MYH9: variants seen among roughly 807,000 people sequenced by gnomAD.
MYH9 encodes the protein myosin-9.
A neutral mutation model predicts 241.9 loss-of-function variants in MYH9; 29 were observed. The ratio of observed to expected loss-of-function variants is 0.12; its 90% confidence interval spans 0.09 to 0.16. The LOEUF (loss-of-function observed/expected upper bound fraction) is 0.16. MYH9 is among the 10% of genes least tolerant of loss of function. The pLI is 1.00. For synonymous variants in MYH9, 1,047 were observed against 1,062.6 expected, an observed-to-expected ratio of 0.99 and a Z score of 0.29; for missense variants, 1,803 against 2,595.5, an observed-to-expected ratio of 0.69 and a Z score of 6.63.
intron 1 of MYH9, among the ~76,000 whole-genome samples, chr22:36,386,420 A>G (rs1335494455): frequency 6.6e-6 from 1 of 152,132 alleles, no homozygotes; most frequent in African/African-American, 2.4e-5. Context: ...CCTCCTTACC[A>G]AAAAGGGACT....
intron 1 of MYH9, among the ~76,000 whole-genome samples, chr22:36,372,501 A>AC (rs1159074384): frequency 6.6e-6 from 1 of 151,904 alleles, no homozygotes; most frequent in Non-Finnish European, 1.5e-5. Context: ...TCTCAAAAAA[A>AC]AAAAAAAAAT....
rs552924881 is a variant in MYH9 at position 36,282,816 on chromosome 22, C to T, written c.5766-31G>A. 182 of 1,582,202 alleles carry T rather than the reference C, an allele frequency of 1.2e-4. No individual in the cohort carries two copies. In the East Asian group the frequency reaches 3.9e-3, roughly 34 times the overall value. ...GGCAGAGGTAGAAGCAGAGGGTCAGCGGGCCCGGCCAGGCCAGGGGCGGCC... is the reference window on the plus strand; with the variant it reads ...GGCAGAGGTAGAAGCAGAGGGTCAGTGGGCCCGGCCAGGCCAGGGGCGGCC... On this transcript the variant is annotated intron_variant, in intron 40 of 40. Transcript: ENST00000216181.
chr22:36,371,450 C>T (rs2018088608), intron 1 of MYH9, among the ~76,000 whole-genome samples: 1 of 152,210 alleles, frequency 6.6e-6, no homozygotes, highest in Non-Finnish European at 1.5e-5. Context: ...CTTGCATTTC[C>T]AGCCTCCAGA....
chr22:36,381,811 A>C (rs1054800783), intron 1 of MYH9, among the ~76,000 whole-genome samples: 1 of 152,184 alleles, frequency 6.6e-6, no homozygotes, highest in African/African-American at 2.4e-5. Context: ...ACCATGATTT[A>C]GTTGACCTTT....
chr22:36,296,021 C>CTCAGG (rs2016782087), intron 25 of MYH9, among the ~76,000 whole-genome samples: 1 of 152,208 alleles, frequency 6.6e-6, no homozygotes, highest in Non-Finnish European at 1.5e-5. Context: ...TAAAACGCTA[C>CTCAGG]ACCACAGGAC....
Position 36,305,827 on chromosome 22 carries a change from G to A in MYH9, c.2159+103C>T. On this transcript the variant is annotated intron_variant, in intron 17 of 40. Transcript: ENST00000216181. The surrounding 1 kb of genome is among the most constrained non-coding windows in gnomAD (Gnocchi z 4.7). ...CAGTTCTACATGGATGGAGGACGTC[G>A]CTCCCTCACGACAGGATCCTGCCAG... 3 of 1,522,552 alleles carry A rather than the reference G, an allele frequency of 2.0e-6. No individual in the cohort carries two copies. Among genetic ancestry groups the A allele is most frequent in the Non-Finnish European group, 2.7e-6 (3 of 1,105,684 alleles). 94.3% of individuals were successfully genotyped at this position (1,522,552 alleles called of 1,614,324 possible).
chr22:36,355,156 C>T (rs1467302772), intron 1 of MYH9, among the ~76,000 whole-genome samples: 3 of 152,120 alleles, frequency 2.0e-5, no homozygotes, highest in African/African-American at 7.2e-5. Flanking sequence ...CGCCGGCTTC[C>T]TGCGGGTGCC....
At position 36,374,011 on chromosome 22, in the gene MYH9, G is replaced by A. The variant is rs965906114; in HGVS notation, c.-20+13796C>T. Among the ~76,000 whole-genome samples, 4 of 151,460 alleles carry A rather than the reference G, an allele frequency of 2.6e-5. No individual in the cohort carries two copies. In the East Asian group the frequency reaches 7.7e-4, roughly 29 times the overall value. On this transcript the variant is annotated intron_variant, in intron 1 of 40. Coordinates refer to ENST00000216181, the MANE Select transcript of MYH9 (RefSeq NM_002473.6). ...GAGGTGCAGGGCAAATCTGCTTCTT[G>A]CCAGCTTTGTTGCAATAATGCTTGT...
intron 31 of MYH9, among the ~76,000 whole-genome samples, chr22:36,290,032 CT>C (rs1449227587): frequency 1.3e-5 from 2 of 152,166 alleles, no homozygotes; most frequent in African/African-American, 4.8e-5. Flanking sequence ...TGCCCGATGT[CT>C]TCTACTGTTC....
intron 31 of MYH9, among the ~76,000 whole-genome samples, chr22:36,291,193 T>A (rs552221332): frequency 1.3e-5 from 2 of 152,012 alleles, no homozygotes; most frequent in African/African-American, 4.8e-5. Context: ...CAACAGCTCA[T>A]TGATAGCGGG....
intron 21 of MYH9, 74 bp from the exon 22 acceptor site, chr22:36,301,131 A>G (rs547042302): frequency 7.1e-7 from 1 of 1,412,716 alleles, no homozygotes; most frequent in East Asian, 2.3e-5. Flanking sequence ...GACGGACGCC[A>G]TGGCTCGGGA....
At position 36,320,786 on chromosome 22, in the gene MYH9, C is replaced by T. The variant is rs1488716201; in HGVS notation, c.868+12G>A. The T allele has an allele frequency of 6.2e-7, 1 of 1,607,312 alleles. No individual in the cohort carries two copies. The highest frequency in any genetic ancestry group is 8.5e-7 in the Non-Finnish European group (1 of 1,174,166). On this transcript the variant is annotated intron_variant, in intron 8 of 40. Coordinates refer to ENST00000216181, the MANE Select transcript of MYH9 (RefSeq NM_002473.6). This position sits in a 1 kb window ranked among gnomAD's most constrained non-coding sequence, Gnocchi z 4.8. ...GGCAGCCCCGGTGTCAGGCTGCAGGCCAACTACTCACTCTTCAGGTGCTCT... is the reference window on the plus strand; with the variant it reads ...GGCAGCCCCGGTGTCAGGCTGCAGGTCAACTACTCACTCTTCAGGTGCTCT...
chr22:36,330,301 C>T lies in MYH9; in HGVS notation c.491-2813G>A, dbSNP rs1046265846. ...AAACTGCTGGGAGGCCTCCTCATTGCATCTCTTACCGCACTGCTTAGTATC... is the reference window on the plus strand; with the variant it reads ...AAACTGCTGGGAGGCCTCCTCATTGTATCTCTTACCGCACTGCTTAGTATC... On this transcript the variant is annotated intron_variant, in intron 3 of 40. Transcript: ENST00000216181. This position sits in a 1 kb window ranked among gnomAD's most constrained non-coding sequence, Gnocchi z 4.5. 4.6e-5 allele frequency among the ~76,000 whole-genome samples: 7 copies of T among 152,266 alleles called. No individual in the cohort carries two copies. The highest frequency in any genetic ancestry group is 1.7e-4 in the African/African-American group (7 of 41,466).
At chr22:36,298,117 C>T (rs2016816665) in intron 24 of MYH9, among the ~76,000 whole-genome samples, 1 of 152,238 alleles carries the variant, frequency 6.6e-6, no homozygotes, top group African/African-American at 2.4e-5. Flanking sequence ...TCACCTCATC[C>T]CCTGCAGATG....
At chr22:36,367,355 G>C (rs537601927) in intron 1 of MYH9, among the ~76,000 whole-genome samples, 7 of 152,170 alleles carry the variant, frequency 4.6e-5, no homozygotes, top group South Asian at 4.1e-4. Flanking sequence ...AAGGGTGAAC[G>C]GTCTCTCCTC....
In MYH9 at chr22:36,309,355, A is replaced by G. The variant is rs1435607708; in HGVS notation, c.1770T>C (p.Asp590=). The change falls in exon 15 of 41, where the codon GAT becomes GAC. Residue 590 remains aspartate (D), a synonymous_variant. Coordinates refer to ENST00000216181, the MANE Select transcript of MYH9 (RefSeq NM_002473.6). ...GTGTGGCGATGTTGTCATTCAGGGG[A>G]TCCATGTTCTTCATCAGCCACTCGT... ...KADEWLMKNM[D]PLNDNIATLL... 1 of 1,614,112 alleles carries G rather than the reference A, an allele frequency of 6.2e-7. No individual in the cohort carries two copies. Among genetic ancestry groups the G allele is most frequent in the East Asian group, 2.2e-5 (1 of 44,884 alleles).
At position 36,285,631 on chromosome 22, in the gene MYH9, C is replaced by G; in HGVS notation, c.5274+27G>C. The G allele has an allele frequency of 1.2e-6, 2 of 1,611,466 alleles. No homozygotes were observed. Among genetic ancestry groups the G allele is most frequent in the Middle Eastern group, 2.2e-4 (1 of 4,480 alleles). On this transcript the variant is annotated intron_variant, in intron 37 of 40. Coordinates refer to ENST00000216181, the MANE Select transcript of MYH9 (RefSeq NM_002473.6). The surrounding 1 kb of genome is among the most constrained non-coding windows in gnomAD (Gnocchi z 7.0). ...TGCCGTGGTGGCTCCAGCCAGAGCCCAGAGTGGGAGAAGTCCTGGCACCCA... is the reference window on the plus strand; with the variant it reads ...TGCCGTGGTGGCTCCAGCCAGAGCCGAGAGTGGGAGAAGTCCTGGCACCCA...
intron 1 of MYH9, among the ~76,000 whole-genome samples, chr22:36,349,795 T>C (rs1603484077): frequency 6.6e-6 from 1 of 152,260 alleles, no homozygotes; most frequent in East Asian, 1.9e-4. Flanking sequence ...TCAAGAAAAC[T>C]ATTGTGCCAA....
chr22:36,291,002 T>C (rs2016687733), intron 31 of MYH9, among the ~76,000 whole-genome samples: 1 of 149,114 alleles, frequency 6.7e-6, no homozygotes, highest in Non-Finnish European at 1.5e-5. Context: ...GGCCACCCCG[T>C]CTGGGAAGTG....
Sources: gnomAD v4.1 joint callset for allele counts (sites outside exome capture counted in the v4.1 genomes callset) on GRCh38, gnomAD v4.1.1 for gene constraint, Gnocchi (gnomAD v3.1) non-coding constraint, MANE v1.5 for transcripts, NCBI Gene and HGNC (gene_info 2026-07-23, HGNC 2026-07-21) for gene names.